The following MYO1B variants were observed in gnomAD, a reference collection of about 807,000 sequenced individuals.
The protein encoded by MYO1B is unconventional myosin-Ib.
Under a neutral mutation model 159.7 loss-of-function variants are expected in MYO1B, and 72 were observed. That is an observed-to-expected ratio of 0.45 (90% CI 0.37 to 0.55). The LOEUF is 0.55. Among genes scored for constraint, MYO1B ranks in the 20% least tolerant of loss-of-function variants. MYO1B has a pLI of 0.00. For missense variants in MYO1B, 1,062 were observed against 1,364.8 expected (o/e 0.78, Z 3.50); for synonymous variants, 468 against 473.8 (o/e 0.99, Z 0.16).
chr2:191,317,067 G>A (rs901432762), intron 3 of MYO1B, among the ~76,000 whole-genome samples: 8 of 152,130 alleles, frequency 5.3e-5, no homozygotes, highest in African/African-American at 1.7e-4. Flanking sequence ...TGCGGAGGCC[G>A]AAGGGGACTG....
chr2:191,292,433 G>A (rs1688739672), intron 2 of MYO1B, among the ~76,000 whole-genome samples: 1 of 152,104 alleles, frequency 6.6e-6, no homozygotes, highest in South Asian at 2.1e-4. Context: ...AGGCTTCCAG[G>A]TTATAGGTAG....
At chr2:191,295,160 C>T (rs1688911385) in intron 2 of MYO1B, among the ~76,000 whole-genome samples, 1 of 152,062 alleles carries the variant, frequency 6.6e-6, no homozygotes, top group African/African-American at 2.4e-5. Flanking sequence ...CTTTTGTTGG[C>T]ACCTTTTTTC....
chr2:191,278,348 CA>C (rs1687867129), intron 2 of MYO1B, among the ~76,000 whole-genome samples: 1 of 152,232 alleles, frequency 6.6e-6, no homozygotes, highest in Admixed American at 6.5e-5. Flanking sequence ...AGTCACCTCT[CA>C]AAGCCCCACC....
chr2:191,279,968 A>T (rs528911150), intron 2 of MYO1B, among the ~76,000 whole-genome samples: 1 of 152,152 alleles, frequency 6.6e-6, no homozygotes, highest in Non-Finnish European at 1.5e-5. Context: ...AGCCTCAGCA[A>T]TCTCCTATGT....
At chr2:191,344,110 T>C (rs1402285371) in intron 5 of MYO1B, among the ~76,000 whole-genome samples, 1 of 152,280 alleles carries the variant, frequency 6.6e-6, no homozygotes, top group East Asian at 1.9e-4. Context: ...CAATAAACTG[T>C]CCTTTATGCA....
intron 4 of MYO1B, among the ~76,000 whole-genome samples, chr2:191,332,696 C>G (rs1266845537): frequency 1.3e-5 from 2 of 152,208 alleles, no homozygotes; most frequent in Non-Finnish European, 2.9e-5. Flanking sequence ...TTTGCCAAAA[C>G]TTATACAGTG....
chr2:191,392,331 C>T, intron 19 of MYO1B, 130 bp downstream of exon 19: 1 of 582,510 alleles, frequency 1.7e-6, no homozygotes, highest in East Asian at 2.8e-5. Context: ...GTGTGTTTAT[C>T]TACAAATAAT....
intron 3 of MYO1B, among the ~76,000 whole-genome samples, chr2:191,307,114 A>T (rs1051482893): frequency 5.3e-5 from 8 of 152,198 alleles, no homozygotes; most frequent in African/African-American, 1.9e-4. Context: ...AGCAGCCCTG[A>T]GGGCTGCTGG....
intron 24 of MYO1B, 88 bp downstream of exon 24, chr2:191,402,806 G>T: frequency 8.9e-6 from 9 of 1,015,340 alleles, no homozygotes; most frequent in Non-Finnish European, 1.3e-5. Flanking sequence ...GATTATGCTT[G>T]CTGATGGTCT....
At chr2:191,330,516 C>T (rs1691402547) in intron 4 of MYO1B, among the ~76,000 whole-genome samples, 1 of 152,152 alleles carries the variant, frequency 6.6e-6, no homozygotes, top group South Asian at 2.1e-4. Flanking sequence ...ACCTGGCAAG[C>T]TTCGCATAAA....
chr2:191,356,027 CTT>C (rs1357809546), intron 7 of MYO1B, among the ~76,000 whole-genome samples: 1 of 152,028 alleles, frequency 6.6e-6, no homozygotes, highest in Non-Finnish European at 1.5e-5. Flanking sequence ...TGGTTTTACT[CTT>C]TTAAATTGTT....
intron 30 of MYO1B, among the ~76,000 whole-genome samples, chr2:191,419,739 T>A (rs1019445982): frequency 1.3e-5 from 2 of 152,102 alleles, no homozygotes; most frequent in African/African-American, 4.8e-5. Flanking sequence ...TGTGTAGGCC[T>A]AGGCTAATAT....
intron 7 of MYO1B, among the ~76,000 whole-genome samples, chr2:191,351,775 C>G (rs1206199934): frequency 6.6e-6 from 1 of 152,146 alleles, no homozygotes; most frequent in South Asian, 2.1e-4. Flanking sequence ...GTGGTTCCAG[C>G]TCAGGAGATT....
chr2:191,401,809 A>G (rs907634578), intron 23 of MYO1B: 4 of 152,250 alleles, frequency 2.6e-5, no homozygotes. Context: ...GGGAAATGTC[A>G]TAGCAGAAGC....
At chr2:191,273,603 C>T (rs895544822) in intron 1 of MYO1B, among the ~76,000 whole-genome samples, 4 of 152,158 alleles carry the variant, frequency 2.6e-5, no homozygotes, top group African/African-American at 7.2e-5. Flanking sequence ...AGCTCAGTCA[C>T]GTGTCCAGCC....
chr2:191,391,659 C>T (rs763734587), intron 18 of MYO1B, among the ~76,000 whole-genome samples: 1 of 152,192 alleles, frequency 6.6e-6, no homozygotes, highest in African/African-American at 2.4e-5. Context: ...GTAAGGCCCA[C>T]GTTCCTTAGC....
intron 2 of MYO1B, among the ~76,000 whole-genome samples, chr2:191,294,337 T>G (rs1574359203): frequency 6.6e-6 from 1 of 152,204 alleles, no homozygotes; most frequent in African/African-American, 2.4e-5. Flanking sequence ...TTTTAGAAAC[T>G]ATTGTATTCA....
chr2:191,328,869 C>T (rs747539825), intron 3 of MYO1B, among the ~76,000 whole-genome samples: 47 of 152,220 alleles, frequency 3.1e-4, no homozygotes, highest in Non-Finnish European at 6.2e-4. Flanking sequence ...TCTCTGAGTC[C>T]ATTCTCCACC....
At chr2:191,366,886 G>A (rs1205816721) in intron 11 of MYO1B, among the ~76,000 whole-genome samples, 1 of 151,422 alleles carries the variant, frequency 6.6e-6, no homozygotes, top group African/African-American at 2.4e-5. Flanking sequence ...TTGCAGTTTG[G>A]CACCTGTCCT....
Sources: allele counts gnomAD v4.1 joint callset (sites outside exome capture counted in the v4.1 genomes callset), GRCh38; gene constraint gnomAD v4.1.1; transcripts MANE v1.5; gene names NCBI Gene and HGNC (gene_info 2026-07-23, HGNC 2026-07-21).